STPG2: variants seen among roughly 807,000 people sequenced by gnomAD.
The protein encoded by STPG2 is sperm tail PG-rich repeat containing 2, also known as sperm-tail PG-rich repeat-containing protein 2.
STPG2 carries 56 observed loss-of-function variants against 54.2 expected under a neutral mutation model. The observed-to-expected ratio is 1.03, with a 90% CI of 0.83 to 1.29. The LOEUF (loss-of-function observed/expected upper bound fraction) is 1.29. Among genes scored for constraint, STPG2 ranks in the 50% most tolerant of loss-of-function variants. STPG2 has a pLI of 0.00. For synonymous variants in STPG2, 200 were observed against 181.8 expected (o/e 1.10, Z -0.81); for missense variants, 596 against 544.9 (o/e 1.09, Z -0.93).
At chr4:97,623,633 A>T (rs1309316451) in intron 10 of STPG2, among the ~76,000 whole-genome samples, 1 of 152,124 alleles carries the variant, frequency 6.6e-6, no homozygotes, top group African/African-American at 2.4e-5. Flanking sequence ...TTTTTAAAAA[A>T]TTTCACTTTA....
intron 10 of STPG2, among the ~76,000 whole-genome samples, chr4:97,560,540 G>C (rs903961084): frequency 6.6e-6 from 1 of 152,132 alleles, no homozygotes; most frequent in Non-Finnish European, 1.5e-5. Flanking sequence ...ATGAAAACAT[G>C]TTCCTCTTTA....
chr4:98,136,178 A>G (rs7678557), intron 1 of STPG2, among the ~76,000 whole-genome samples: 59,731 of 151,276 alleles, frequency 0.39, 12,030 homozygotes, highest in Middle Eastern at 0.45. Flanking sequence ...CTTATAAAAC[A>G]AAAAATACAC....
chr4:97,817,408 G>A (rs764158951), intron 9 of STPG2, among the ~76,000 whole-genome samples: 5 of 151,792 alleles, frequency 3.3e-5, no homozygotes, highest in African/African-American at 4.8e-5. Flanking sequence ...TAAATGTCAC[G>A]ATAAAATTGT....
intron 10 of STPG2, among the ~76,000 whole-genome samples, chr4:97,569,084 T>C (rs1295722283): frequency 6.6e-6 from 1 of 152,048 alleles, no homozygotes; most frequent in Non-Finnish European, 1.5e-5. Context: ...AGCAGAGACA[T>C]GGGCTGCTCA....
intron 8 of STPG2, among the ~76,000 whole-genome samples, chr4:97,927,932 G>T (rs1299681855): frequency 6.6e-6 from 1 of 152,038 alleles, no homozygotes. Context: ...GTGTTTTGTG[G>T]TTTTTAATAA....
chr4:97,538,697 C>T (rs958883956), intron 4 of STPG2, among the ~76,000 whole-genome samples: 2 of 152,118 alleles, frequency 1.3e-5, no homozygotes, highest in Admixed American at 1.3e-4. Flanking sequence ...GAGAATGCCA[C>T]AAAGATACTC....
In STPG2 at chr4:97,860,773, C is replaced by A. The variant is rs539506760; in HGVS notation, c.1045-19841G>T. On this transcript the variant is annotated intron_variant, in intron 8 of 10. Transcript: ENST00000295268. ...CAATTTAGATGCATTTTATTACTTT[C>A]TCTTCTCTGATTTCTCTGGCTAAAA... 6.6e-5 allele frequency among the ~76,000 whole-genome samples: 10 copies of A among 152,024 alleles called. No homozygotes were observed. The South Asian group carries it at 1.3e-3, about 19-fold the overall frequency.
At chr4:97,979,948 C>T (rs1374971992) in intron 6 of STPG2, among the ~76,000 whole-genome samples, 10 of 152,062 alleles carry the variant, frequency 6.6e-5, no homozygotes, top group African/African-American at 9.7e-5. Flanking sequence ...TGGTCTCGAT[C>T]CCCTGACCTC....
At chr4:97,666,052 G>A (rs962550769) in intron 10 of STPG2, among the ~76,000 whole-genome samples, 19 of 152,290 alleles carry the variant, frequency 1.2e-4, no homozygotes, top group African/African-American at 4.6e-4. Context: ...AATGGCATGG[G>A]TGGCTGCAGT....
intron 4 of STPG2, among the ~76,000 whole-genome samples, chr4:97,458,416 GCTTT>G (rs1729580246): frequency 6.6e-6 from 1 of 152,080 alleles, no homozygotes; most frequent in Non-Finnish European, 1.5e-5. Context: ...AAAGAGCTAT[GCTTT>G]CTTTCTCAAA....
chr4:98,086,666 G>GAAAAAAAAAA (rs35225418), intron 5 of STPG2, among the ~76,000 whole-genome samples: 8 of 94,896 alleles, frequency 8.4e-5, no homozygotes, highest in African/African-American at 1.2e-4. Context: ...ATGCATGCCA[G>GAAAAAAAAAA]AAAAAAAAAA....
chr4:97,734,372 T>C (rs545768943), intron 9 of STPG2, among the ~76,000 whole-genome samples: 1 of 152,296 alleles, frequency 6.6e-6, no homozygotes, highest in Admixed American at 6.5e-5. Context: ...CACTCAGGTA[T>C]TAAGCCAGGT....
chr4:97,763,483 A>G (rs1038861058), intron 9 of STPG2, among the ~76,000 whole-genome samples: 2 of 152,186 alleles, frequency 1.3e-5, no homozygotes, highest in Admixed American at 1.3e-4. Flanking sequence ...AGTTTACTGG[A>G]TTTCAGCACA....
chr4:98,034,048 A>C (rs1326255368), intron 5 of STPG2, among the ~76,000 whole-genome samples: 1 of 152,114 alleles, frequency 6.6e-6, no homozygotes, highest in African/African-American at 2.4e-5. Flanking sequence ...GCATAAGATA[A>C]AAATGCCCTC....
chr4:97,763,051 G>A (rs1725937125), intron 9 of STPG2, among the ~76,000 whole-genome samples: 1 of 152,012 alleles, frequency 6.6e-6, no homozygotes, highest in African/African-American at 2.4e-5. Context: ...ATTAAAAGAA[G>A]ACAAATTTGT....
At chr4:97,910,886 G>A (rs759826042) in intron 8 of STPG2, among the ~76,000 whole-genome samples, 1 of 152,078 alleles carries the variant, frequency 6.6e-6, no homozygotes, top group East Asian at 1.9e-4. Flanking sequence ...AAGCAGCTGC[G>A]AACTGCGGCT....
At chr4:97,937,610 G>C (rs2149225209) in intron 8 of STPG2, among the ~76,000 whole-genome samples, 1 of 152,272 alleles carries the variant, frequency 6.6e-6, no homozygotes, top group East Asian at 1.9e-4. Context: ...CTGTTTGTTT[G>C]TTTTCCTTTG....
intron 9 of STPG2, among the ~76,000 whole-genome samples, chr4:97,799,310 G>A (rs1234908266): frequency 6.6e-6 from 1 of 152,256 alleles, no homozygotes; most frequent in Admixed American, 6.5e-5. Flanking sequence ...TGTTTTTGCA[G>A]TGGCTGGTAC....
intron 10 of STPG2, among the ~76,000 whole-genome samples, chr4:97,570,424 A>G (rs1275083589): frequency 1.3e-5 from 2 of 152,186 alleles, no homozygotes; most frequent in African/African-American, 4.8e-5. Context: ...TGAGCTGAAG[A>G]CAACTAACAA....
Sources: gnomAD v4.1 joint callset for allele counts (sites outside exome capture counted in the v4.1 genomes callset) on GRCh38, gnomAD v4.1.1 for gene constraint, MANE v1.5 for transcripts, NCBI Gene and HGNC (gene_info 2026-07-23, HGNC 2026-07-21) for gene names.